XPO7: variants seen among roughly 807,000 people sequenced by gnomAD.
XPO7 encodes the protein exportin 7, also known as exportin-7.
Under a neutral mutation model 144.3 loss-of-function variants are expected in XPO7, and 21 were observed. That is an observed-to-expected ratio of 0.15 (90% CI 0.10 to 0.21). XPO7 has a LOEUF of 0.21. Ranked by LOEUF, XPO7 falls within the 10% of genes least tolerant of loss-of-function variation. The pLI is 1.00. For synonymous variants in XPO7, 580 were observed against 499.6 expected (o/e 1.16, Z -2.15); for missense variants, 808 against 1,325.8 (o/e 0.61, Z 6.06).
At chr8:21,985,834 T>C (rs1812561311) in intron 13 of XPO7, 143 bp downstream of exon 13, 1 of 659,670 alleles carries the variant, frequency 1.5e-6, no homozygotes, top group Non-Finnish European at 2.6e-6. Context: ...GTAAGTGCCA[T>C]GATAACTCTG....
At chr8:21,921,020 A>G (rs1003456444) in intron 1 of XPO7, among the ~76,000 whole-genome samples, 9 of 152,186 alleles carry the variant, frequency 5.9e-5, no homozygotes, top group African/African-American at 2.2e-4. Context: ...TGTGCGGGAC[A>G]AGTTGTCAGG....
intron 1 of XPO7, among the ~76,000 whole-genome samples, chr8:21,925,313 A>G (rs984759363): frequency 6.6e-6 from 1 of 152,226 alleles, no homozygotes; most frequent in Admixed American, 6.5e-5. Flanking sequence ...ACAAGGACAC[A>G]CACACACTCC....
chr8:21,929,894 T>C (rs976906672), intron 1 of XPO7, among the ~76,000 whole-genome samples: 2 of 152,196 alleles, frequency 1.3e-5, no homozygotes, highest in Non-Finnish European at 2.9e-5. Flanking sequence ...GGCAAAAATA[T>C]TATGTAATTA....
chr8:21,932,390 T>C (rs1036827202), intron 1 of XPO7, among the ~76,000 whole-genome samples: 1 of 152,208 alleles, frequency 6.6e-6, no homozygotes, highest in Non-Finnish European at 1.5e-5. Flanking sequence ...TTACTTAATA[T>C]TCTTTTTTAC....
In XPO7 at chr8:22,005,868, A is replaced by C. The variant is rs543489181; in HGVS notation, c.*780A>C. 1 of 152,074 alleles carries C rather than the reference A, an allele frequency of 6.6e-6. No homozygotes were observed. The highest frequency in any genetic ancestry group is 2.1e-4 in the South Asian group (1 of 4,820). The allele number at this position is 152,074 out of a possible 1,614,324, so 9.4% of individuals were successfully genotyped here. ...TGTTCTTATCTCCACCCTCTTTCCT[A>C]CTTTGCTTACCCTCATCCTCAGACA... On this transcript the variant is annotated 3_prime_UTR_variant, in exon 28 of 28. Coordinates refer to ENST00000252512, the MANE Select transcript of XPO7 (RefSeq NM_015024.5).
Position 21,987,347 on chromosome 8 carries a change from G to A in XPO7, c.1713+71G>A, listed in dbSNP as rs1454397958. ...GTGGGATTGCTGATGGAGGGAAACA[G>A]TTGCTGATAGTTCACATAACCTCCA... On this transcript the variant is annotated intron_variant, in intron 14 of 27. Coordinates refer to ENST00000252512, the MANE Select transcript of XPO7 (RefSeq NM_015024.5). The A allele has an allele frequency of 5.7e-6, 9 of 1,589,566 alleles. No individual in the cohort carries two copies. In the East Asian group the frequency reaches 2.0e-4, roughly 36 times the overall value.
At chr8:21,999,512 T>A (rs751213126) in intron 23 of XPO7, 24 bp from the exon 24 acceptor site, 1 of 1,613,700 alleles carries the variant, frequency 6.2e-7, no homozygotes, top group Non-Finnish European at 8.5e-7. Context: ...CTAAGCTGAT[T>A]TTCTTCCTCT....
intron 1 of XPO7, among the ~76,000 whole-genome samples, chr8:21,939,225 CTTT>C (rs11436869): frequency 1.4e-5 from 2 of 142,638 alleles, no homozygotes; most frequent in African/African-American, 2.6e-5. Flanking sequence ...TTTTTCTTTT[CTTT>C]TTTTTTTTTT....
At chr8:21,987,448 C>T (rs1165596110) in intron 14 of XPO7, among the ~76,000 whole-genome samples, 172 bp downstream of exon 14, 1 of 152,126 alleles carries the variant, frequency 6.6e-6, no homozygotes, top group Non-Finnish European at 1.5e-5. Context: ...AGAATTGGGC[C>T]CATTTCTTTA....
intron 1 of XPO7, among the ~76,000 whole-genome samples, chr8:21,933,053 A>T (rs942571466): frequency 6.6e-6 from 1 of 151,736 alleles, no homozygotes; most frequent in South Asian, 2.1e-4. Context: ...ATCACATTCT[A>T]AGGTTTTAGA....
chr8:21,956,764 T>C (rs1811549130), intron 1 of XPO7, among the ~76,000 whole-genome samples: 1 of 152,094 alleles, frequency 6.6e-6, no homozygotes, highest in South Asian at 2.1e-4. Flanking sequence ...TGCATCCTGT[T>C]ATTCCACACT....
At chr8:22,000,453 A>ATT (rs34272523) in intron 24 of XPO7, among the ~76,000 whole-genome samples, 45,118 of 128,612 alleles carry the variant, frequency 0.35, 8,781 homozygotes, top group East Asian at 0.42. Flanking sequence ...CCTTCCAACA[A>ATT]TTTTTTTTTT....
At chr8:22,002,046 G>A in intron 24 of XPO7, 66 bp from the exon 25 acceptor site, 1 of 1,526,432 alleles carries the variant, frequency 6.6e-7, no homozygotes, top group Non-Finnish European at 8.8e-7. Flanking sequence ...CTCACCCAAA[G>A]ATAGTCCATA....
At chr8:21,920,263 G>A (rs1036985714) in intron 1 of XPO7, among the ~76,000 whole-genome samples, 3 of 152,008 alleles carry the variant, frequency 2.0e-5, no homozygotes, top group Non-Finnish European at 2.9e-5. Context: ...CTTTCCCGCC[G>A]CCTTCCTCTC....
At chr8:21,978,090 C>T (rs1482102270) in intron 8 of XPO7, among the ~76,000 whole-genome samples, 4 of 152,096 alleles carry the variant, frequency 2.6e-5, no homozygotes, top group Admixed American at 2.0e-4. Context: ...TGGGTCTCAT[C>T]GTGTATCTGA....
intron 1 of XPO7, among the ~76,000 whole-genome samples, chr8:21,950,819 T>C (rs759732963): frequency 2.6e-5 from 4 of 152,078 alleles, no homozygotes; most frequent in Non-Finnish European, 5.9e-5. Context: ...TACCGTAAAT[T>C]TATATAGAAA....
rs1279215287 is a variant in XPO7, at chr8:22,005,109, G to T, written c.*21G>T. The T allele has an allele frequency of 1.3e-6, 2 of 1,587,966 alleles. No homozygotes were observed. Among genetic ancestry groups the T allele is most frequent in the Non-Finnish European group, 1.7e-6 (2 of 1,160,642 alleles). Reference sequence around the variant, plus strand: ...GCTGACACCTCCTTGGACTCTACCTGTACAGAGCAGCGTCCCTTTGGTTTG... The same window carrying T: ...GCTGACACCTCCTTGGACTCTACCTTTACAGAGCAGCGTCCCTTTGGTTTG... On this transcript the variant is annotated 3_prime_UTR_variant, in exon 28 of 28. Coordinates refer to ENST00000252512, the MANE Select transcript of XPO7 (RefSeq NM_015024.5).
intron 24 of XPO7, among the ~76,000 whole-genome samples, chr8:22,000,264 A>G (rs535618930): frequency 9.8e-5 from 15 of 152,290 alleles, no homozygotes; most frequent in African/African-American, 3.4e-4. Flanking sequence ...ATGAAGCTTT[A>G]GAGATAAGCA....
At chr8:21,946,053 G>C (rs1811179511) in intron 1 of XPO7, among the ~76,000 whole-genome samples, 1 of 152,110 alleles carries the variant, frequency 6.6e-6, no homozygotes, top group Non-Finnish European at 1.5e-5. Context: ...GAAAATGGAG[G>C]TACTCGGGAT....
Sources: allele counts gnomAD v4.1 joint callset (sites outside exome capture counted in the v4.1 genomes callset), GRCh38; gene constraint gnomAD v4.1.1; transcripts MANE v1.5; gene names NCBI Gene and HGNC (gene_info 2026-07-23, HGNC 2026-07-21).